Variants in POU2F1 observed in about 807,000 individuals in gnomAD.
The protein encoded by POU2F1 is POU domain, class 2, transcription factor 1.
Under a neutral mutation model 84.9 loss-of-function variants are expected in POU2F1, and 16 were observed. That is an observed-to-expected ratio of 0.19 (90% CI 0.13 to 0.29). The LOEUF (loss-of-function observed/expected upper bound fraction) is 0.29, where lower values mean the gene tolerates loss of function less well. Among genes scored for constraint, POU2F1 ranks in the 10% least tolerant of loss-of-function variants. The pLI is 1.00. For synonymous variants in POU2F1, 368 were observed against 368.3 expected, an observed-to-expected ratio of 1.00 and a Z score of 0.01; for missense variants, 738 against 942.6, an observed-to-expected ratio of 0.78 and a Z score of 2.84.
intron 2 of POU2F1, among the ~76,000 whole-genome samples, chr1:167,347,590 G>C (rs559828806): frequency 3.3e-5 from 5 of 152,166 alleles, no homozygotes; most frequent in African/African-American, 7.2e-5. Context: ...GTGGCATTTA[G>C]TGTATTCACA....
At chr1:167,268,395 T>TTTCC (rs1305890672) in intron 1 of POU2F1, among the ~76,000 whole-genome samples, 1 of 152,160 alleles carries the variant, frequency 6.6e-6, no homozygotes, top group African/African-American at 2.4e-5. Flanking sequence ...TCCTTTCTGT[T>TTTCC]TGTGTGTCTG....
At chr1:167,299,163 CAAAAAAAAA>C (rs71073663) in intron 1 of POU2F1, among the ~76,000 whole-genome samples, 3 of 96,856 alleles carry the variant, frequency 3.1e-5, no homozygotes, top group South Asian at 3.3e-4. Flanking sequence ...AACGCCATCT[CAAAAAAAAA>C]AAAAAAAAAA....
intron 1 of POU2F1, among the ~76,000 whole-genome samples, chr1:167,301,319 G>A (rs1441828337): frequency 6.6e-6 from 1 of 152,198 alleles, no homozygotes; most frequent in Non-Finnish European, 1.5e-5. Context: ...AGACACGTTA[G>A]TTACTGCTGT....
Position 167,374,115 on chromosome 1 carries a change from TGACGCC to T in POU2F1, c.411_416del (p.Leu137_Pro139delinsPhe). On this transcript the variant is annotated inframe_deletion, in exon 6 of 16. Transcript: ENST00000367866. ...TGTTCTGGTTTTGTTTAGCTTACTT[TGACGCC>T]TGCCCAGCAACAGTTACTACTCCAG... The T allele has an allele frequency of 6.2e-7, 1 of 1,614,160 alleles. No homozygotes were observed. Among genetic ancestry groups the T allele is most frequent in the Non-Finnish European group, 8.5e-7 (1 of 1,180,004 alleles).
chr1:167,358,737 T>TTG (rs71097670), intron 2 of POU2F1, among the ~76,000 whole-genome samples: 7 of 88,830 alleles, frequency 7.9e-5, no homozygotes, highest in East Asian at 4.4e-4. Context: ...TTTTTTTTTT[T>TTG]GAGACAGGTT....
At chr1:167,410,225 G>A (rs1649858464) in intron 13 of POU2F1, among the ~76,000 whole-genome samples, 1 of 152,162 alleles carries the variant, frequency 6.6e-6, no homozygotes, top group Admixed American at 6.5e-5. Context: ...AGAACATTAT[G>A]TTTACCTCAT....
In POU2F1 at chr1:167,281,396, AG is replaced by A. The variant is rs552678878; in HGVS notation, c.62-51073del. ...TGATCAGGAAGAAGGTAGTGATAAAAGAAAAACCTCGGCTGAATTAAATTTA... is the reference window on the plus strand; with the variant it reads ...TGATCAGGAAGAAGGTAGTGATAAAAAAAAACCTCGGCTGAATTAAATTTA... On this transcript the variant is annotated intron_variant, in intron 1 of 15. Coordinates refer to ENST00000367866, the MANE Select transcript of POU2F1 (RefSeq NM_002697.4). 2.0e-5 allele frequency among the ~76,000 whole-genome samples: 3 copies of A among 152,372 alleles called. No homozygotes were observed. In the East Asian group the frequency reaches 5.8e-4, roughly 29 times the overall value.
At chr1:167,383,321 A>C (rs576247184) in intron 7 of POU2F1, among the ~76,000 whole-genome samples, 18 of 152,346 alleles carry the variant, frequency 1.2e-4, no homozygotes, top group Admixed American at 5.2e-4. Context: ...TCAGTTTGTC[A>C]TCATGAAGCA....
rs146820463 is a variant in POU2F1 at position 167,398,627 on chromosome 1, A to G, written c.1269+494A>G. Among the ~76,000 whole-genome samples the G allele has an allele frequency of 6.0e-4, 91 of 152,334 alleles. 1 individual carries two copies. In the East Asian group the frequency reaches 0.013, roughly 22 times the overall value. On this transcript the variant is annotated intron_variant, in intron 11 of 15. Coordinates refer to ENST00000367866, the MANE Select transcript of POU2F1 (RefSeq NM_002697.4). ...AGGCTATGGAGCTTAAGTTAATGCAAGAGATATTTGGCAATTATTTTTTTG... is the reference window on the plus strand; with the variant it reads ...AGGCTATGGAGCTTAAGTTAATGCAGGAGATATTTGGCAATTATTTTTTTG...
At chr1:167,327,487 A>G (rs954155629) in intron 1 of POU2F1, among the ~76,000 whole-genome samples, 6 of 152,298 alleles carry the variant, frequency 3.9e-5, no homozygotes, top group African/African-American at 9.6e-5. Flanking sequence ...TTGGTCCTCT[A>G]CTGACTTGCA....
chr1:167,339,460 A>G (rs962442370), intron 2 of POU2F1, among the ~76,000 whole-genome samples: 7 of 152,210 alleles, frequency 4.6e-5, no homozygotes, highest in African/African-American at 1.7e-4. Context: ...TTGAAGTTTT[A>G]CAAGGTTTGG....
At chr1:167,390,809 A>C (rs139450566) in intron 9 of POU2F1, among the ~76,000 whole-genome samples, 4,216 of 152,292 alleles carry the variant, frequency 0.028, 94 homozygotes, top group Non-Finnish European at 0.044. Context: ...AAAATTAATA[A>C]AAATTAAAAA....
At chr1:167,376,529 T>C (rs777979535) in intron 7 of POU2F1, 2 of 158,934 alleles carry the variant, frequency 1.3e-5, no homozygotes, top group African/African-American at 2.4e-5. Context: ...TATGTGCTTC[T>C]AACCATTGTT....
chr1:167,405,548 C>T (rs922523796), intron 13 of POU2F1, among the ~76,000 whole-genome samples: 1 of 151,530 alleles, frequency 6.6e-6, no homozygotes, highest in Admixed American at 6.6e-5. Flanking sequence ...ATTAGCCAGG[C>T]GTGGTGGCAC....
chr1:167,331,734 T>G (rs1657094782), intron 1 of POU2F1, among the ~76,000 whole-genome samples: 1 of 152,092 alleles, frequency 6.6e-6, no homozygotes, highest in African/African-American at 2.4e-5. Flanking sequence ...CTTCATTAAG[T>G]AGATAACCCA....
intron 2 of POU2F1, among the ~76,000 whole-genome samples, chr1:167,354,468 T>G (rs942393899): frequency 4.6e-5 from 7 of 152,200 alleles, no homozygotes; most frequent in African/African-American, 1.7e-4. Flanking sequence ...ATTTTTATAT[T>G]TTTAGTAAAG....
At chr1:167,328,908 A>G in intron 1 of POU2F1, 1 of 376,814 alleles carries the variant, frequency 2.7e-6, no homozygotes, top group Non-Finnish European at 3.7e-6. Context: ...TAAGGCCCTA[A>G]TCACGCGCAT....
At chr1:167,318,473 G>T (rs1225175912) in intron 1 of POU2F1, among the ~76,000 whole-genome samples, 1 of 152,188 alleles carries the variant, frequency 6.6e-6, no homozygotes, top group Non-Finnish European at 1.5e-5. Flanking sequence ...ACCTCTGCCT[G>T]TTCTGCAATG....
At chr1:167,317,193 A>G (rs1655967547) in intron 1 of POU2F1, among the ~76,000 whole-genome samples, 1 of 152,178 alleles carries the variant, frequency 6.6e-6, no homozygotes, top group African/African-American at 2.4e-5. Flanking sequence ...GTGCCTGGCT[A>G]GAACTCTAAT....
Sources: allele counts gnomAD v4.1 joint callset (sites outside exome capture counted in the v4.1 genomes callset), GRCh38; gene constraint gnomAD v4.1.1; transcripts MANE v1.5; gene names NCBI Gene and HGNC (gene_info 2026-07-23, HGNC 2026-07-21).